The following NCKAP5 variants were observed in gnomAD, a reference collection of about 807,000 sequenced individuals.
The protein encoded by NCKAP5 is NCK associated protein 5.
Under a neutral mutation model 167.0 loss-of-function variants are expected in NCKAP5, and 92 were observed. The ratio of observed to expected loss-of-function variants is 0.55; its 90% CI spans 0.47 to 0.66. The LOEUF (loss-of-function observed/expected upper bound fraction) is 0.66, where lower values mean the gene tolerates loss of function less well. NCKAP5 is among the 30% of genes least tolerant of loss of function. The pLI, the probability that NCKAP5 is intolerant of heterozygous loss-of-function variation, is 0.00. For synonymous variants in NCKAP5, 891 were observed against 877.4 expected (o/e 1.02, Z -0.27); for missense variants, 2,378 against 2,315.0 (o/e 1.03, Z -0.56).
rs59725110 is a variant in NCKAP5, at chr2:133,278,782, C to CAAA, written c.143+24252_143+24254dup. On this transcript the variant is annotated intron_variant, in intron 4 of 19. Coordinates refer to ENST00000409261, the MANE Select transcript of NCKAP5 (RefSeq NM_207363.3). Reference sequence around the variant, plus strand: ...GAGGCTAATATCCATCCCTAAACTACAAAAAAAAAAAAAAAAACCCTCTTA... The same window carrying CAAA: ...GAGGCTAATATCCATCCCTAAACTACAAAAAAAAAAAAAAAAAAAACCCTCTTA... Among the ~76,000 whole-genome samples, 877 of 94,092 alleles carry CAAA rather than the reference C, an allele frequency of 9.3e-3. 7 individuals are homozygous for CAAA. The highest frequency in any genetic ancestry group is 0.017 in the Middle Eastern group (3 of 176). The allele number at this position is 94,092 out of a possible 152,430, so 61.7% of individuals were successfully genotyped here.
chr2:132,947,945 A>T (rs756497146), intron 8 of NCKAP5, among the ~76,000 whole-genome samples: 23 of 152,090 alleles, frequency 1.5e-4, no homozygotes, highest in Non-Finnish European at 2.8e-4. Context: ...AGATACACAA[A>T]CTTACTACCC....
intron 5 of NCKAP5, among the ~76,000 whole-genome samples, chr2:133,185,224 C>G (rs1364647787): frequency 6.6e-6 from 1 of 152,036 alleles, no homozygotes. Context: ...GGATTCCTTT[C>G]CCTATTGCTT....
the NCKAP5 span, among the ~76,000 whole-genome samples, chr2:133,599,214 A>C: frequency 6.6e-6 from 1 of 152,232 alleles, no homozygotes; most frequent in African/African-American, 2.4e-5. Flanking sequence ...AATTCAACCC[A>C]AAAGAGATGG....
the NCKAP5 span, among the ~76,000 whole-genome samples, chr2:133,628,075 A>C: frequency 6.6e-6 from 1 of 152,164 alleles, no homozygotes; most frequent in African/African-American, 2.4e-5. Context: ...CCTCTTGAAA[A>C]CCAGCACAAG....
Position 132,783,449 on chromosome 2 carries a change from G to C in NCKAP5, c.3362C>G (p.Ser1121Cys), listed in dbSNP as rs1683240633. The C allele has an allele frequency of 6.3e-7, 1 of 1,587,428 alleles. No individual in the cohort carries two copies. Reference sequence around the variant, plus strand: ...GTTATGGCTTTTGGCGGGTGATGAGGATGATGAGGAACTGCTGACCTGAGA... The same window carrying C: ...GTTATGGCTTTTGGCGGGTGATGAGCATGATGAGGAACTGCTGACCTGAGA... ...PSSQVSSSSSSSSPAKSHNSP... is the reference protein window; with the variant it reads ...PSSQVSSSSSCSSPAKSHNSP... The change falls in exon 14 of 20, where the codon TCC becomes TGC. Residue 1121 changes from serine to cysteine, a missense_variant. Physicochemically the swap from Ser to Cys is moderately radical, Grantham distance 112. Transcript: ENST00000409261.
chr2:133,004,073 A>G (rs2077878859), intron 6 of NCKAP5, among the ~76,000 whole-genome samples: 1 of 152,212 alleles, frequency 6.6e-6, no homozygotes, highest in Non-Finnish European at 1.5e-5. Context: ...AGAATACAAA[A>G]TTGCATTTAT....
intron 2 of NCKAP5, among the ~76,000 whole-genome samples, chr2:133,533,534 C>G (rs781678051): frequency 7.9e-5 from 12 of 152,132 alleles, no homozygotes; most frequent in Non-Finnish European, 1.5e-4. Flanking sequence ...AGATTGAAGT[C>G]TCAAATATGA....
chr2:133,234,018 A>C (rs2087278290), intron 4 of NCKAP5, among the ~76,000 whole-genome samples: 1 of 152,198 alleles, frequency 6.6e-6, no homozygotes, highest in Non-Finnish European at 1.5e-5. Context: ...AGACAACCAG[A>C]CTAAAACCTG....
Position 133,130,324 on chromosome 2 carries a change from A to G in NCKAP5, c.208-213T>C, listed in dbSNP as rs558218034. ...TAATTTGTGCAAGGTCATATAAACC[A>G]GAAGGTAATAGATCTTGACTCCCAG... is the stretch of plus-strand genomic sequence containing the variant. On this transcript the variant is annotated intron_variant, in intron 5 of 19. Transcript: ENST00000409261. Among the ~76,000 whole-genome samples the G allele has an allele frequency of 2.0e-5, 3 of 152,356 alleles. No individual in the cohort carries two copies. The South Asian group carries it at 6.2e-4, about 32-fold the overall frequency.
intron 19 of NCKAP5, among the ~76,000 whole-genome samples, chr2:132,698,221 C>T (rs187463971): frequency 1.4e-4 from 22 of 152,320 alleles, no homozygotes; most frequent in African/African-American, 5.1e-4. Context: ...AGGACCCCAT[C>T]ATGCACAGAC....
At chr2:132,976,014 T>C (rs188573428) in intron 7 of NCKAP5, among the ~76,000 whole-genome samples, 95 of 152,226 alleles carry the variant, frequency 6.2e-4, no homozygotes, top group African/African-American at 2.2e-3. Flanking sequence ...GTGTCTGAGA[T>C]TCCCTGGCAG....
At chr2:133,410,595 G>T (rs1688714162) in intron 3 of NCKAP5, among the ~76,000 whole-genome samples, 1 of 152,140 alleles carries the variant, frequency 6.6e-6, no homozygotes, top group African/African-American at 2.4e-5. Flanking sequence ...TTGCTATGCA[G>T]CTCTGTGCTT....
At chr2:132,985,212 T>C (rs952003715) in intron 7 of NCKAP5, among the ~76,000 whole-genome samples, 4 of 152,026 alleles carry the variant, frequency 2.6e-5, no homozygotes, top group East Asian at 1.9e-4. Flanking sequence ...AAACGTCTAA[T>C]AGGAAAAGCA....
chr2:133,019,455 C>G (rs2078451845), intron 6 of NCKAP5, among the ~76,000 whole-genome samples: 1 of 152,128 alleles, frequency 6.6e-6, no homozygotes, highest in Non-Finnish European at 1.5e-5. Context: ...ATGTCAGGGC[C>G]TGGCCTGCAG....
intron 2 of NCKAP5, among the ~76,000 whole-genome samples, chr2:133,558,724 A>AAAAAAAAAAAAAAAAC (rs1558784768): frequency 2.0e-5 from 3 of 147,360 alleles, no homozygotes; most frequent in South Asian, 2.2e-4. Flanking sequence ...AAAAAAAAAA[A>AAAAAAAAAAAAAAAAC]AAGCCCATAT....
intron 2 of NCKAP5, among the ~76,000 whole-genome samples, chr2:133,541,489 A>G (rs1392190642): frequency 6.6e-6 from 1 of 152,180 alleles, no homozygotes; most frequent in Non-Finnish European, 1.5e-5. Flanking sequence ...ACGATCCTTC[A>G]AACTCATTAT....
the NCKAP5 span, among the ~76,000 whole-genome samples, chr2:133,595,673 G>A: frequency 5.9e-5 from 9 of 151,942 alleles, no homozygotes; most frequent in South Asian, 1.7e-3. Flanking sequence ...TGTAGATCAA[G>A]GTTACCAAAC....
chr2:132,801,492 C>T lies in NCKAP5; in HGVS notation c.808-4763G>A, dbSNP rs548039466. Among the ~76,000 whole-genome samples the T allele has an allele frequency of 1.6e-3, 241 of 152,276 alleles. 1 individual carries two copies. The highest frequency in any genetic ancestry group is 2.7e-3 in the Admixed American group (41 of 15,298). On this transcript the variant is annotated intron_variant, in intron 11 of 19. Coordinates refer to ENST00000409261, the MANE Select transcript of NCKAP5 (RefSeq NM_207363.3). ...GTATATGTAGTGGCTATGTCAACAG[C>T]GCAAGGTGACAACCCCACTGAAGAT...
intron 6 of NCKAP5, among the ~76,000 whole-genome samples, chr2:133,005,447 C>A (rs2077932283): frequency 1.3e-5 from 2 of 152,196 alleles, no homozygotes; most frequent in African/African-American, 4.8e-5. Context: ...TAGTTAATAT[C>A]ATTTCCCATG....
Sources: allele counts gnomAD v4.1 joint callset (sites outside exome capture counted in the v4.1 genomes callset), GRCh38; gene constraint gnomAD v4.1.1; transcripts MANE v1.5; gene names NCBI Gene and HGNC (gene_info 2026-07-23, HGNC 2026-07-21).